VRK3: variants seen among roughly 807,000 people sequenced by gnomAD.
VRK3 encodes serine/threonine-protein kinase VRK3.
In VRK3, 50 loss-of-function variants were observed where a neutral mutation model predicts 60.4. The observed-to-expected ratio is 0.83, with a 90% CI of 0.66 to 1.05. The LOEUF (loss-of-function observed/expected upper bound fraction) is 1.05. Among genes scored for constraint, VRK3 ranks in the 50% least tolerant of loss-of-function variants. The pLI, the probability that VRK3 is intolerant of heterozygous loss-of-function variation, is 0.00. For missense variants in VRK3, 549 were observed against 585.3 expected (o/e 0.94, Z 0.64); for synonymous variants, 246 against 227.8 (o/e 1.08, Z -0.72).
intron 5 of VRK3, among the ~76,000 whole-genome samples, chr19:50,006,698 A>T (rs931395536): frequency 6.6e-5 from 10 of 152,210 alleles, no homozygotes; most frequent in Admixed American, 6.5e-4. Flanking sequence ...CTTTTATGTG[A>T]GTTTTATCTC....
chr19:49,982,994 C>T (rs2076449639), intron 12 of VRK3, among the ~76,000 whole-genome samples: 1 of 152,138 alleles, frequency 6.6e-6, no homozygotes, highest in Non-Finnish European at 1.5e-5. Flanking sequence ...CCATGTCCTC[C>T]TCTGCCCCAT....
chr19:50,005,615 C>A (rs1311787975), intron 5 of VRK3, among the ~76,000 whole-genome samples: 1 of 149,902 alleles, frequency 6.7e-6, no homozygotes, highest in Non-Finnish European at 1.5e-5. Context: ...AAAGCGGAAA[C>A]TACCCAAACG....
At chr19:49,995,048 T>C (rs2076677752) in intron 8 of VRK3, 129 bp from the exon 9 acceptor site, 2 of 1,270,758 alleles carry the variant, frequency 1.6e-6, no homozygotes, top group Non-Finnish European at 2.2e-6. Context: ...TCTGACTGGC[T>C]GGGCAGCAAA....
chr19:49,995,185 G>A lies in VRK3; in HGVS notation c.764+6C>T. 6.2e-7 allele frequency: 1 copy of A among 1,614,010 alleles called. No individual in the cohort carries two copies. Among genetic ancestry groups the A allele is most frequent in the Non-Finnish European group, 8.5e-7 (1 of 1,179,892 alleles). On this transcript the variant is annotated splice_donor_region_variant and intron_variant, in intron 8 of 14. Transcript: ENST00000316763. ...GGTGAGGCAAGCAGTGAGCAGAGCAGCTCACCTGTATTTGTCCTGGTGAAC... is the reference window on the plus strand; with the variant it reads ...GGTGAGGCAAGCAGTGAGCAGAGCAACTCACCTGTATTTGTCCTGGTGAAC...
intron 10 of VRK3, among the ~76,000 whole-genome samples, chr19:49,990,635 C>T (rs561774060): frequency 6.6e-6 from 1 of 152,082 alleles, no homozygotes; most frequent in African/African-American, 2.4e-5. Flanking sequence ...GGCCACTGTG[C>T]CCAGTCCATG....
Position 49,979,202 on chromosome 19 carries a change from C to T in VRK3, c.1317G>A (p.Thr439=), listed in dbSNP as rs746372847. 1.2e-5 allele frequency: 20 copies of T among 1,613,888 alleles called. No individual in the cohort carries two copies. Among genetic ancestry groups the T allele is most frequent in the East Asian group, 6.7e-5 (3 of 44,860 alleles). The change falls in exon 14 of 15, where the codon ACG becomes ACA. Residue 439 remains threonine (T), a synonymous_variant. Transcript: ENST00000316763. ...QKYLKVVMAL[T]YEEKPPYAML... ...TGGCGTAGGGCGGCTTCTCCTCATA[C>T]GTGAGGGCCATCACCACCTTCAGGT... is the stretch of plus-strand genomic sequence containing the variant.
chr19:50,014,464 C>A lies in VRK3; in HGVS notation c.139+1560G>T, dbSNP rs909128825. On this transcript the variant is annotated intron_variant, in intron 3 of 14. Transcript: ENST00000316763. ...ATCCCAGCTATTTGGGAGGCTGAGG[C>A]AGGAGAATTGCTTGAACCTGGGAGA... Among the ~76,000 whole-genome samples, 7 of 152,120 alleles carry A rather than the reference C, an allele frequency of 4.6e-5. No individual in the cohort carries two copies. The East Asian group carries it at 1.4e-3, about 29-fold the overall frequency.
intron 1 of VRK3, among the ~76,000 whole-genome samples, chr19:50,021,937 C>G (rs923476408): frequency 3.3e-5 from 5 of 152,202 alleles, no homozygotes; most frequent in Non-Finnish European, 7.3e-5. Context: ...AGCAGAGGCT[C>G]AGAGAGCAAA....
intron 5 of VRK3, among the ~76,000 whole-genome samples, chr19:50,002,879 A>T (rs1384071664): frequency 2.0e-5 from 3 of 152,220 alleles, no homozygotes; most frequent in Non-Finnish European, 4.4e-5. Context: ...GCATGCAGGC[A>T]GGTGAGCACC....
chr19:49,993,175 A>C (rs2076641839), intron 9 of VRK3, among the ~76,000 whole-genome samples: 2 of 152,236 alleles, frequency 1.3e-5, no homozygotes, highest in Admixed American at 1.3e-4. Flanking sequence ...ATTGAGCTAA[A>C]GCGTGGCTTC....
At chr19:49,987,326 T>C (rs1405736414) in intron 12 of VRK3, among the ~76,000 whole-genome samples, 1 of 152,160 alleles carries the variant, frequency 6.6e-6, no homozygotes, top group Non-Finnish European at 1.5e-5. Context: ...ACTTCCCTTT[T>C]GTGTCCCGCT....
At chr19:50,006,241 T>C (rs934878665) in intron 5 of VRK3, among the ~76,000 whole-genome samples, 1 of 150,470 alleles carries the variant, frequency 6.6e-6, no homozygotes, top group African/African-American at 2.5e-5. Context: ...ACCTAGGAGG[T>C]GGAGGTTGTT....
At chr19:49,985,914 G>C (rs1303212943) in intron 12 of VRK3, among the ~76,000 whole-genome samples, 1 of 152,218 alleles carries the variant, frequency 6.6e-6, no homozygotes, top group Admixed American at 6.5e-5. Flanking sequence ...CCCCTGCTTA[G>C]TAGCTGTGTG....
At position 49,989,649 on chromosome 19, in the gene VRK3, G is replaced by A. The variant is rs145379967; in HGVS notation, c.1086C>T (p.His362=). ...GDLEFISMDL[H]KGCGPSRRSD... is the part of the protein sequence containing the mutation. ...TCCCTGGCCTCGTACCGCATCCCTTGTGCAGGTCCATGCTAATGAACTCAA... is the reference window on the plus strand; with the variant it reads ...TCCCTGGCCTCGTACCGCATCCCTTATGCAGGTCCATGCTAATGAACTCAA... Residue 362 remains histidine, a synonymous_variant, in exon 11 of 15, where the codon CAC becomes CAT. Coordinates refer to ENST00000316763, the MANE Select transcript of VRK3 (RefSeq NM_016440.4). 2.2e-5 allele frequency: 36 copies of A among 1,611,826 alleles called. No individual in the cohort carries two copies. The African/African-American group carries it at 4.0e-4, about 18-fold the overall frequency.
intron 1 of VRK3, among the ~76,000 whole-genome samples, chr19:50,021,054 G>C (rs1432051362): frequency 2.0e-5 from 3 of 152,238 alleles, no homozygotes; most frequent in African/African-American, 7.2e-5. Flanking sequence ...CATCTGAGCA[G>C]AGACCCAAAG....
intron 12 of VRK3, among the ~76,000 whole-genome samples, chr19:49,987,311 C>T (rs1265853618): frequency 1.3e-5 from 2 of 152,152 alleles, no homozygotes; most frequent in Non-Finnish European, 2.9e-5. Context: ...ACCCACATCC[C>T]TAGCACTTCC....
At chr19:50,014,075 T>G (rs1292781588) in intron 3 of VRK3, among the ~76,000 whole-genome samples, 1 of 151,964 alleles carries the variant, frequency 6.6e-6, no homozygotes, top group Non-Finnish European at 1.5e-5. Context: ...AAGACCAGCC[T>G]GGCCAACGTG....
chr19:50,014,785 T>A (rs543755685), intron 3 of VRK3, among the ~76,000 whole-genome samples: 2 of 151,956 alleles, frequency 1.3e-5, no homozygotes, highest in African/African-American at 4.8e-5. Context: ...GGGGACCTGG[T>A]CCCTTCACCT....
chr19:49,981,120 C>T (rs2076415190), intron 12 of VRK3, 107 bp from the exon 13 acceptor site: 1 of 999,932 alleles, frequency 1.0e-6, no homozygotes. Flanking sequence ...TACACAGTCC[C>T]CTCTGCCATC....
Sources: allele counts gnomAD v4.1 joint callset (sites outside exome capture counted in the v4.1 genomes callset), GRCh38; gene constraint gnomAD v4.1.1; transcripts MANE v1.5; gene names NCBI Gene and HGNC (gene_info 2026-07-23, HGNC 2026-07-21).